MYO18B: variants seen among roughly 807,000 people sequenced by gnomAD.
MYO18B encodes myosin XVIIIB, also known as unconventional myosin-XVIIIb.
Under a neutral mutation model 273.0 loss-of-function variants are expected in MYO18B, and 204 were observed. The observed-to-expected ratio is 0.75, with a 90% CI of 0.67 to 0.84. The LOEUF is 0.84. MYO18B is among the 40% of genes least tolerant of loss of function. The pLI, the probability that MYO18B is intolerant of heterozygous loss-of-function variation, is 0.00. For synonymous variants in MYO18B, 1,330 were observed against 1,305.7 expected (o/e 1.02, Z -0.40); for missense variants, 3,212 against 3,287.6 (o/e 0.98, Z 0.56).
intron 1 of MYO18B, among the ~76,000 whole-genome samples, chr22:25,758,591 G>A (rs1394864275): frequency 1.3e-5 from 2 of 152,082 alleles, no homozygotes; most frequent in East Asian, 1.9e-4. Flanking sequence ...AAGTGAAAGC[G>A]GCCAGGGGTA....
Position 26,027,836 on chromosome 22 carries a change from G to A in MYO18B, c.*12+146G>A. ...TTAGAGGTTTTAGCTGAAGTCATGTGTTGATGGATGCAAAGCTTTTCAGAA... is the reference window on the plus strand; with the variant it reads ...TTAGAGGTTTTAGCTGAAGTCATGTATTGATGGATGCAAAGCTTTTCAGAA... On this transcript the variant is annotated intron_variant, in intron 43 of 43. Transcript: ENST00000335473. This position sits in a 1 kb window ranked among gnomAD's most constrained non-coding sequence, Gnocchi z 4.1. 1 of 841,720 alleles carries A rather than the reference G, an allele frequency of 1.2e-6. No individual in the cohort carries two copies. The highest frequency in any genetic ancestry group is 1.8e-6 in the Non-Finnish European group (1 of 559,214). The allele number at this position is 841,720 out of a possible 1,614,324, so 52.1% of individuals were successfully genotyped here.
the MYO18B span, among the ~76,000 whole-genome samples, chr22:26,046,504 C>T: frequency 6.6e-6 from 1 of 152,176 alleles, no homozygotes; most frequent in East Asian, 1.9e-4. Flanking sequence ...TCTAATCTAT[C>T]AGTGGGACTT....
chr22:25,966,663 G>A (rs544952790), intron 39 of MYO18B, among the ~76,000 whole-genome samples: 19 of 152,138 alleles, frequency 1.2e-4, no homozygotes, highest in Non-Finnish European at 2.6e-4. Context: ...CCTCCCGCAT[G>A]CTCAGAGAGC....
chr22:25,841,220 C>T lies in MYO18B; in HGVS notation c.3209-2515C>T, dbSNP rs528502474. Among the ~76,000 whole-genome samples, 264 of 152,308 alleles carry T rather than the reference C, an allele frequency of 1.7e-3. 1 individual carries two copies. Among genetic ancestry groups the T allele is most frequent in the African/African-American group, 6.3e-3 (260 of 41,570 alleles). On this transcript the variant is annotated intron_variant, in intron 17 of 43. Coordinates refer to ENST00000335473, the MANE Select transcript of MYO18B (RefSeq NM_032608.7). ...GTGACCTGCAGAGGCTGAGGGGGCC[C>T]TCTCTGGGGGGTTCAGGCTGCTGGG...
At position 25,856,345 on chromosome 22, in the gene MYO18B, A is replaced by C. The variant is rs76392926; in HGVS notation, c.3885+4766A>C. ...ACAGGAGTTGAATAGAAGCCCTCTG[A>C]GGGCAGGCAAAGTATTTAGTGCAGT... On this transcript the variant is annotated intron_variant, in intron 21 of 43. Coordinates refer to ENST00000335473, the MANE Select transcript of MYO18B (RefSeq NM_032608.7). 4.5e-3 allele frequency among the ~76,000 whole-genome samples: 686 copies of C among 152,314 alleles called. 5 individuals are homozygous for C. Among genetic ancestry groups the C allele is most frequent in the African/African-American group, 0.016 (657 of 41,556 alleles).
intron 35 of MYO18B, 149 bp from the exon 36 acceptor site, chr22:25,947,563 C>T: frequency 1.7e-6 from 1 of 582,162 alleles, no homozygotes. Flanking sequence ...ATACCTACCA[C>T]ATGCATTGGT....
intron 11 of MYO18B, among the ~76,000 whole-genome samples, chr22:25,797,668 G>C (rs945870422): frequency 6.6e-6 from 1 of 152,140 alleles, no homozygotes; most frequent in African/African-American, 2.4e-5. Context: ...TGCATCCCCA[G>C]ACCAGAGCCC....
chr22:26,036,058 G>T, the MYO18B span, among the ~76,000 whole-genome samples: 1 of 152,190 alleles, frequency 6.6e-6, no homozygotes, highest in South Asian at 2.1e-4. Flanking sequence ...CCCAAAGATT[G>T]TACATAGGAA....
intron 1 of MYO18B, among the ~76,000 whole-genome samples, chr22:25,757,200 T>C (rs1016443841): frequency 6.6e-6 from 1 of 152,212 alleles, no homozygotes; most frequent in African/African-American, 2.4e-5. Flanking sequence ...TGAAAATGCA[T>C]GTCCATTCAA....
At chr22:26,036,873 C>T in the MYO18B span, among the ~76,000 whole-genome samples, 1 of 152,208 alleles carries the variant, frequency 6.6e-6, no homozygotes, top group African/African-American at 2.4e-5. Context: ...GAGCAATTTT[C>T]ATTGTTCAGC....
At chr22:26,004,648 G>A in intron 41 of MYO18B, 70 bp from the exon 42 acceptor site, 25 of 1,573,740 alleles carry the variant, frequency 1.6e-5, no homozygotes, top group Non-Finnish European at 2.2e-5. Flanking sequence ...TTATGCTATG[G>A]GTGAATATCT....
At chr22:25,830,362 T>C (rs1214747260) in intron 15 of MYO18B, among the ~76,000 whole-genome samples, 4 of 152,058 alleles carry the variant, frequency 2.6e-5, no homozygotes, top group African/African-American at 9.7e-5. Flanking sequence ...TACCCCCAAG[T>C]GTAGTGGCTT....
rs377264344 is a variant in MYO18B at position 25,804,159 on chromosome 22, C to T, written c.2521+6062C>T. Among the ~76,000 whole-genome samples the T allele has an allele frequency of 1.4e-3, 209 of 152,280 alleles. 9 individuals are homozygous for T. In the South Asian group the frequency reaches 0.043, roughly 31 times the overall value. The stretch of plus-strand genomic sequence containing the variant: ...TCCACTTTCTCTGCAGCTACAAATC[C>T]CATTTTGGGTTTTGTTTCACCTTTA... On this transcript the variant is annotated intron_variant, in intron 12 of 43. Coordinates refer to ENST00000335473, the MANE Select transcript of MYO18B (RefSeq NM_032608.7).
intron 1 of MYO18B, among the ~76,000 whole-genome samples, chr22:25,744,119 A>G (rs549725915): frequency 6.6e-6 from 1 of 152,292 alleles, no homozygotes; most frequent in South Asian, 2.1e-4. Flanking sequence ...GTCAAAACTC[A>G]TGGAATTTCC....
intron 12 of MYO18B, among the ~76,000 whole-genome samples, chr22:25,810,263 G>GT (rs953153632): frequency 1.1e-4 from 16 of 141,460 alleles, no homozygotes; most frequent in African/African-American, 2.2e-4. Context: ...ATGCCCAGAT[G>GT]TTTTTTTTGT....
intron 34 of MYO18B, among the ~76,000 whole-genome samples, chr22:25,938,476 C>G (rs2092606614): frequency 6.6e-6 from 1 of 152,224 alleles, no homozygotes; most frequent in Non-Finnish European, 1.5e-5. Flanking sequence ...GTCTCAACCA[C>G]TAGCACACAA....
rs73879544 is a variant in MYO18B at position 25,795,687 on chromosome 22, T to G, written c.2377-2266T>G. ...TTGAGCTCCTGGTTGCTAGGGATTT[T>G]GTGATCCTGTGGCGGCCCAGAAATA... On this transcript the variant is annotated intron_variant, in intron 11 of 43. Coordinates refer to ENST00000335473, the MANE Select transcript of MYO18B (RefSeq NM_032608.7). 1.1e-3 allele frequency among the ~76,000 whole-genome samples: 166 copies of G among 152,354 alleles called. 1 individual carries two copies. The highest frequency in any genetic ancestry group is 3.5e-3 in the African/African-American group (146 of 41,580).
At chr22:25,751,432 C>G (rs2085928436) in intron 1 of MYO18B, among the ~76,000 whole-genome samples, 2 of 152,236 alleles carry the variant, frequency 1.3e-5, no homozygotes, top group African/African-American at 4.8e-5. Flanking sequence ...CTTGAGCCAG[C>G]TTCCTAGGCT....
chr22:26,015,718 G>C (rs1032404075), intron 42 of MYO18B, among the ~76,000 whole-genome samples: 1 of 152,046 alleles, frequency 6.6e-6, no homozygotes, highest in African/African-American at 2.4e-5. Flanking sequence ...ATAATTCCTG[G>C]GTGATGAAAT....
Sources: gnomAD v4.1 joint callset for allele counts (sites outside exome capture counted in the v4.1 genomes callset) on GRCh38, gnomAD v4.1.1 for gene constraint, Gnocchi (gnomAD v3.1) non-coding constraint, MANE v1.5 for transcripts, NCBI Gene and HGNC (gene_info 2026-07-23, HGNC 2026-07-21) for gene names.